The following TSHZ2 variants were observed in gnomAD, a reference collection of about 807,000 sequenced individuals.
TSHZ2 encodes the protein teashirt homolog 2.
A neutral mutation model predicts 74.4 loss-of-function variants in TSHZ2; 21 were observed. That is an observed-to-expected ratio of 0.28 (90% CI 0.20 to 0.41). The LOEUF (loss-of-function observed/expected upper bound fraction) is 0.41, where lower values mean the gene tolerates loss of function less well. TSHZ2 is among the 10% of genes least tolerant of loss of function. The pLI is 1.00. For synonymous variants in TSHZ2, 540 were observed against 515.3 expected, an observed-to-expected ratio of 1.05 and a Z score of -0.65; for missense variants, 1,244 against 1,293.5, an observed-to-expected ratio of 0.96 and a Z score of 0.59.
intron 1 of TSHZ2, among the ~76,000 whole-genome samples, chr20:53,250,289 C>T (rs1204770282): frequency 1.3e-5 from 2 of 152,166 alleles, no homozygotes; most frequent in Non-Finnish European, 2.9e-5. Context: ...ACTTGCCACT[C>T]ATCCACTTAT....
At chr20:53,120,484 AT>A (rs1293885829) in intron 1 of TSHZ2, among the ~76,000 whole-genome samples, 1 of 152,208 alleles carries the variant, frequency 6.6e-6, no homozygotes, top group Non-Finnish European at 1.5e-5. Flanking sequence ...AAATAAATGC[AT>A]TCTGGAGACT....
At chr20:53,394,103 C>T (rs544011550) in intron 2 of TSHZ2, among the ~76,000 whole-genome samples, 2 of 152,296 alleles carry the variant, frequency 1.3e-5, no homozygotes, top group East Asian at 3.9e-4. Flanking sequence ...CTGATCCTGC[C>T]TCAAAAGTTG....
At chr20:53,016,377 G>T (rs1295874119) in intron 1 of TSHZ2, among the ~76,000 whole-genome samples, 1 of 152,152 alleles carries the variant, frequency 6.6e-6, no homozygotes, top group Non-Finnish European at 1.5e-5. Flanking sequence ...ACCATGAGCT[G>T]GTGCAGTTAG....
At chr20:53,295,765 T>C (rs1991365450) in intron 2 of TSHZ2, among the ~76,000 whole-genome samples, 1 of 152,192 alleles carries the variant, frequency 6.6e-6, no homozygotes. Flanking sequence ...TTCTCTTTGT[T>C]GGGACAAGAG....
rs184535227 is a variant in TSHZ2 at position 53,142,713 on chromosome 20, A to C, written c.41-110786A>C. ...AGCTGAACTACTGAGGGTGTGGCCTACTCATTTGCAGAGTGCATTCAAAAG... is the reference window on the plus strand; with the variant it reads ...AGCTGAACTACTGAGGGTGTGGCCTCCTCATTTGCAGAGTGCATTCAAAAG... On this transcript the variant is annotated intron_variant, in intron 1 of 2. Coordinates refer to ENST00000371497, the MANE Select transcript of TSHZ2 (RefSeq NM_173485.6). 9.5e-4 allele frequency among the ~76,000 whole-genome samples: 144 copies of C among 152,092 alleles called. 1 individual carries two copies. The highest frequency in any genetic ancestry group is 3.2e-3 in the African/African-American group (133 of 41,502).
At chr20:53,148,500 G>A (rs1987596913) in intron 1 of TSHZ2, among the ~76,000 whole-genome samples, 1 of 152,146 alleles carries the variant, frequency 6.6e-6, no homozygotes, top group Non-Finnish European at 1.5e-5. Flanking sequence ...TCTGGATATA[G>A]TACAGGCCTG....
chr20:53,084,968 G>A (rs1985653295), intron 1 of TSHZ2, among the ~76,000 whole-genome samples: 3 of 152,006 alleles, frequency 2.0e-5, no homozygotes, highest in African/African-American at 7.3e-5. Flanking sequence ...ACCTCACTGG[G>A]TCTCAGTTTG....
At chr20:53,342,037 T>C (rs997139424) in intron 2 of TSHZ2, among the ~76,000 whole-genome samples, 4 of 152,060 alleles carry the variant, frequency 2.6e-5, no homozygotes, top group African/African-American at 9.7e-5. Flanking sequence ...TACAGAAAAA[T>C]TGAGATGCTT....
intron 1 of TSHZ2, among the ~76,000 whole-genome samples, chr20:53,037,399 A>G (rs1983861498): frequency 6.6e-6 from 1 of 152,238 alleles, no homozygotes; most frequent in South Asian, 2.1e-4. Flanking sequence ...CCTGCGACTT[A>G]AAAGACTTAA....
At chr20:53,050,599 A>G (rs1266808133) in intron 1 of TSHZ2, among the ~76,000 whole-genome samples, 1 of 152,238 alleles carries the variant, frequency 6.6e-6, no homozygotes, top group Non-Finnish European at 1.5e-5. Flanking sequence ...GAGACGTGTC[A>G]TAGGAAGACT....
intron 1 of TSHZ2, among the ~76,000 whole-genome samples, chr20:53,150,742 A>G (rs900842793): frequency 1.3e-5 from 2 of 152,070 alleles, no homozygotes; most frequent in African/African-American, 4.8e-5. Flanking sequence ...AGGAGGGAAG[A>G]AAGGAAGGAA....
chr20:53,433,663 C>T (rs1373197205), intron 2 of TSHZ2, among the ~76,000 whole-genome samples: 3 of 149,266 alleles, frequency 2.0e-5, no homozygotes, highest in Non-Finnish European at 3.0e-5. Context: ...ATGGATATTC[C>T]GTAGGTAACT....
chr20:53,228,128 AC>A (rs1227011134), intron 1 of TSHZ2, among the ~76,000 whole-genome samples: 2 of 150,754 alleles, frequency 1.3e-5, no homozygotes, highest in East Asian at 3.9e-4. Flanking sequence ...ACACACACAC[AC>A]ACACACACAC....
In TSHZ2 at chr20:53,475,987, T is replaced by C. The variant is rs1344895774; in HGVS notation, c.*9-11157T>C. 1.6e-5 allele frequency among the ~76,000 whole-genome samples: 2 copies of C among 126,572 alleles called. 1 individual carries two copies. Among genetic ancestry groups the C allele is most frequent in the East Asian group, 5.1e-4 (2 of 3,900 alleles). The allele number at this position is 126,572 out of a possible 152,430, so 83.0% of individuals were successfully genotyped here. On this transcript the variant is annotated intron_variant, in intron 2 of 2. Transcript: ENST00000371497. ...GAAGTTGAATCTCTGAATAGACCAATAACAGGATCTGAAATTGTGGCAATA... is the reference window on the plus strand; with the variant it reads ...GAAGTTGAATCTCTGAATAGACCAACAACAGGATCTGAAATTGTGGCAATA...
chr20:53,006,205 A>G (rs1331391218), intron 1 of TSHZ2, among the ~76,000 whole-genome samples: 1 of 152,246 alleles, frequency 6.6e-6, no homozygotes, highest in Non-Finnish European at 1.5e-5. Flanking sequence ...ATTTTACTTA[A>G]CATATATTGT....
At chr20:53,272,074 C>T (rs796754779) in intron 2 of TSHZ2, among the ~76,000 whole-genome samples, 60 of 151,530 alleles carry the variant, frequency 4.0e-4, no homozygotes, top group African/African-American at 1.1e-3. Flanking sequence ...TGCAGTGGTG[C>T]GATTTCGGCT....
intron 1 of TSHZ2, among the ~76,000 whole-genome samples, chr20:53,054,908 G>T (rs939691446): frequency 1.2e-4 from 19 of 152,116 alleles, no homozygotes; most frequent in African/African-American, 3.1e-4. Flanking sequence ...TTTAAAGGAG[G>T]TGTTTTTGCT....
At chr20:53,430,966 C>T (rs2870257) in intron 2 of TSHZ2, among the ~76,000 whole-genome samples, 38,410 of 151,792 alleles carry the variant, frequency 0.25, 4,944 homozygotes, top group African/African-American at 0.28. Context: ...AGGCTGGTCT[C>T]GAACTCCTGA....
intron 1 of TSHZ2, among the ~76,000 whole-genome samples, chr20:52,989,775 A>G (rs1157927147): frequency 6.6e-6 from 1 of 152,052 alleles, no homozygotes; most frequent in African/African-American, 2.4e-5. Flanking sequence ...ATGCATGTAT[A>G]TGTTGTTAGA....
Sources: gnomAD v4.1 joint callset for allele counts (sites outside exome capture counted in the v4.1 genomes callset) on GRCh38, gnomAD v4.1.1 for gene constraint, MANE v1.5 for transcripts, NCBI Gene and HGNC (gene_info 2026-07-23, HGNC 2026-07-21) for gene names.